RFX4: variants seen among roughly 807,000 people sequenced by gnomAD.
RFX4 encodes the protein transcription factor RFX4.
RFX4 carries 10 observed loss-of-function variants against 95.0 expected under a neutral mutation model. The ratio of observed to expected loss-of-function variants is 0.11; its 90% CI spans 0.06 to 0.18. The LOEUF is 0.18. Among genes scored for constraint, RFX4 ranks in the 10% least tolerant of loss-of-function variants. The probability of loss-of-function intolerance (pLI) is 1.00; values close to 1 mark genes in which losing one functional copy is unlikely to be tolerated. For synonymous variants in RFX4, 321 were observed against 340.7 expected (o/e 0.94, Z 0.64); for missense variants, 640 against 922.0 (o/e 0.69, Z 3.96).
At chr12:106,657,507 T>A (rs1592904822) in intron 4 of RFX4, among the ~76,000 whole-genome samples, 1 of 152,296 alleles carries the variant, frequency 6.6e-6, no homozygotes, top group East Asian at 1.9e-4. Context: ...CGGCTTCCAG[T>A]AATGCTGTAT....
chr12:106,613,341 T>A (rs901479649), intron 2 of RFX4, among the ~76,000 whole-genome samples: 1 of 150,822 alleles, frequency 6.6e-6, no homozygotes, highest in Non-Finnish European at 1.5e-5. Flanking sequence ...TGTTTGTTAG[T>A]ATTTTGCTGA....
intron 15 of RFX4, among the ~76,000 whole-genome samples, chr12:106,739,588 T>G (rs2042771057): frequency 6.6e-6 from 1 of 152,198 alleles, no homozygotes; most frequent in Admixed American, 6.5e-5. Flanking sequence ...TAAATATATT[T>G]TATTGACTGT....
At chr12:106,704,536 A>G (rs931663555) in intron 8 of RFX4, among the ~76,000 whole-genome samples, 3 of 152,226 alleles carry the variant, frequency 2.0e-5, no homozygotes, top group Non-Finnish European at 4.4e-5. Context: ...AATTGGTACT[A>G]GAAGTTCTCA....
intron 13 of RFX4, among the ~76,000 whole-genome samples, chr12:106,726,972 A>G (rs2137546262): frequency 6.6e-6 from 1 of 152,220 alleles, no homozygotes; most frequent in East Asian, 1.9e-4. Context: ...GGGTTTCACC[A>G]TGTTGGCCAG....
chr12:106,660,457 G>A (rs2137336527), intron 4 of RFX4, among the ~76,000 whole-genome samples: 1 of 151,906 alleles, frequency 6.6e-6, no homozygotes, highest in Admixed American at 6.5e-5. Context: ...TCCTTCTCCT[G>A]CTTGACCACT....
intron 3 of RFX4, 53 bp from the exon 4 acceptor site, chr12:106,654,175 C>G: frequency 6.2e-7 from 1 of 1,612,128 alleles, no homozygotes; most frequent in Non-Finnish European, 8.5e-7. Context: ...ACAGACCGTT[C>G]TTGCTTGGGG....
intron 13 of RFX4, among the ~76,000 whole-genome samples, chr12:106,721,888 A>C (rs1021665389): frequency 6.6e-6 from 1 of 152,220 alleles, no homozygotes; most frequent in African/African-American, 2.4e-5. Context: ...CTATACAACG[A>C]AGTAAATATG....
chr12:106,656,834 C>T (rs2040970420), intron 4 of RFX4, among the ~76,000 whole-genome samples: 2 of 152,222 alleles, frequency 1.3e-5, no homozygotes, highest in Non-Finnish European at 2.9e-5. Context: ...CTGAACAATA[C>T]ATTTCCTCCC....
intron 4 of RFX4, among the ~76,000 whole-genome samples, chr12:106,677,622 T>A (rs1380032795): frequency 6.6e-6 from 1 of 152,002 alleles, no homozygotes; most frequent in Non-Finnish European, 1.5e-5. Flanking sequence ...GGCAGGAGGA[T>A]CTCTTGAGCC....
intron 1 of RFX4, among the ~76,000 whole-genome samples, chr12:106,584,154 A>G (rs540788733): frequency 5.2e-4 from 79 of 152,032 alleles, no homozygotes; most frequent in Non-Finnish European, 1.1e-3. Flanking sequence ...ACAACGAAAA[A>G]AGGAGGCCAA....
chr12:106,624,074 G>A (rs2040241179), intron 2 of RFX4, among the ~76,000 whole-genome samples: 1 of 152,124 alleles, frequency 6.6e-6, no homozygotes, highest in Non-Finnish European at 1.5e-5. Context: ...ACAAGGGGAG[G>A]TGCCAGCTAC....
chr12:106,644,230 C>CTTT (rs756140160), intron 3 of RFX4, among the ~76,000 whole-genome samples: 17 of 128,404 alleles, frequency 1.3e-4, no homozygotes, highest in Non-Finnish European at 1.8e-4. Context: ...GCCATTTCCC[C>CTTT]TTTTTTTTTT....
intron 4 of RFX4, among the ~76,000 whole-genome samples, chr12:106,674,659 C>T (rs2041356796): frequency 2.6e-5 from 4 of 152,108 alleles, no homozygotes; most frequent in Admixed American, 2.6e-4. Context: ...TTCCCCTCAC[C>T]CTACTTTTGT....
intron 2 of RFX4, among the ~76,000 whole-genome samples, chr12:106,620,379 A>T (rs1488885105): frequency 6.6e-6 from 1 of 152,202 alleles, no homozygotes; most frequent in Admixed American, 6.5e-5. Context: ...GACATCACAT[A>T]TCGGTAGGAC....
chr12:106,709,393 C>A lies in RFX4; in HGVS notation c.897C>A (p.His299Gln). Reference sequence around the variant, plus strand: ...ATGAGTGGCTAAAAGTGGCTCTCCACGACCTCCCAGAAAACTTGCGAAACA... The same window carrying A: ...ATGAGTGGCTAAAAGTGGCTCTCCAAGACCTCCCAGAAAACTTGCGAAACA... Reference protein sequence around the residue: ...QLDEWLKVALHDLPENLRNIK... With the variant: ...QLDEWLKVALQDLPENLRNIK... Residue 299 changes from histidine to glutamine, a missense_variant, in exon 9 of 18, where the codon CAC (histidine) becomes CAA (glutamine). By Grantham distance (24) the His-to-Gln change is conservative. This residue lies in a region of RFX4 where 96 missense variants were observed against 183.7 expected (regional missense o/e 0.52). Coordinates refer to ENST00000392842, the MANE Select transcript of RFX4 (RefSeq NM_213594.3). 2.5e-6 allele frequency: 4 copies of A among 1,613,124 alleles called. No individual in the cohort carries two copies. The highest frequency in any genetic ancestry group is 3.4e-6 in the Non-Finnish European group (4 of 1,179,786).
chr12:106,687,180 TCTCACACACACACACACACACACACA>T, intron 6 of RFX4, 83 bp downstream of exon 6: 1 of 682,092 alleles, frequency 1.5e-6, no homozygotes, highest in Non-Finnish European at 2.4e-6. Context: ...TCTCTCTCTC[TCTCACACACACACACACACACACACA>T]CACACACACA....
chr12:106,715,599 A>T, intron 11 of RFX4, 55 bp downstream of exon 11: 1 of 1,598,372 alleles, frequency 6.3e-7, no homozygotes, highest in Non-Finnish European at 8.6e-7. Flanking sequence ...AAGAAAGAAA[A>T]AGTGTCTTAG....
At chr12:106,618,505 T>C (rs1387818426) in intron 2 of RFX4, among the ~76,000 whole-genome samples, 1 of 152,110 alleles carries the variant, frequency 6.6e-6, no homozygotes, top group African/African-American at 2.4e-5. Context: ...TAAATATTTC[T>C]ACCTTTTCTC....
chr12:106,711,618 T>A, intron 10 of RFX4, 107 bp downstream of exon 10: 1 of 852,358 alleles, frequency 1.2e-6, no homozygotes, highest in Non-Finnish European at 2.0e-6. Context: ...AACAGGGCAC[T>A]CTCTCTATTA....
Sources: gnomAD v4.1 joint callset for allele counts (sites outside exome capture counted in the v4.1 genomes callset) on GRCh38, gnomAD v4.1.1 for gene constraint, gnomAD v4.1.1 regional missense constraint, MANE v1.5 for transcripts, NCBI Gene and HGNC (gene_info 2026-07-23, HGNC 2026-07-21) for gene names.